Variants in CHRDL1 observed in about 807,000 individuals in gnomAD.
CHRDL1 encodes chordin-like protein 1.
In CHRDL1, 19 loss-of-function variants were observed where a neutral mutation model predicts 40.9. The observed-to-expected ratio is 0.46, with a 90% CI of 0.32 to 0.68. The LOEUF is 0.68. CHRDL1 is among the 30% of genes least tolerant of loss of function. CHRDL1 has a pLI of 0.03. For missense variants in CHRDL1, 329 were observed against 352.1 expected (o/e 0.93, Z 0.53); for synonymous variants, 136 against 123.4 (o/e 1.10, Z -0.68).
chrX:110,758,995 G>A (rs951117108), intron 4 of CHRDL1, among the ~76,000 whole-genome samples: 2 of 111,724 alleles, frequency 1.8e-5, no homozygotes, highest in African/African-American at 6.5e-5. Context: ...ACGCTTTTGG[G>A]GTGGGAATCG....
chrX:110,693,429 G>A (rs913951996), intron 8 of CHRDL1, among the ~76,000 whole-genome samples: 13 of 111,595 alleles, frequency 1.2e-4, no homozygotes. Context: ...ATAGCTCACT[G>A]TAACCCTGAA....
chrX:110,753,910 G>A (rs1166902827), intron 4 of CHRDL1, among the ~76,000 whole-genome samples: 1 of 112,484 alleles, frequency 8.9e-6, no homozygotes. Context: ...TGTAACACAA[G>A]TGGTTCATAT....
At chrX:110,742,831 G>GA (rs997410862) in intron 4 of CHRDL1, among the ~76,000 whole-genome samples, 1 of 110,854 alleles carries the variant, frequency 9.0e-6, no homozygotes, top group Non-Finnish European at 1.9e-5. Flanking sequence ...AGAGGCAGCT[G>GA]AAAAAAAATA....
chrX:110,788,579 C>T (rs967285804), intron 2 of CHRDL1, among the ~76,000 whole-genome samples: 1 of 111,999 alleles, frequency 8.9e-6, no homozygotes, highest in African/African-American at 3.2e-5. Flanking sequence ...CCTACTCTTA[C>T]CCATTTTCTG....
intron 6 of CHRDL1, among the ~76,000 whole-genome samples, chrX:110,719,554 T>G (rs756452512): frequency 6.8e-4 from 75 of 110,175 alleles, no homozygotes; most frequent in Non-Finnish European, 1.2e-3. Flanking sequence ...GGATTAAGGA[T>G]GGAGAAATAA....
At chrX:110,763,501 C>T (rs1464521745) in intron 2 of CHRDL1, among the ~76,000 whole-genome samples, 1 of 107,356 alleles carries the variant, frequency 9.3e-6, no homozygotes, top group Non-Finnish European at 1.9e-5. Context: ...TACACACACA[C>T]ATATATATAT....
chrX:110,692,553 A>G (rs1603138117), intron 8 of CHRDL1, among the ~76,000 whole-genome samples: 1 of 112,435 alleles, frequency 8.9e-6, no homozygotes, highest in East Asian at 2.8e-4. Flanking sequence ...TACACTTTTA[A>G]AAGGCTTTGA....
chrX:110,696,430 C>T (rs1347820315), intron 7 of CHRDL1, among the ~76,000 whole-genome samples: 1 of 109,669 alleles, frequency 9.1e-6, no homozygotes, highest in Non-Finnish European at 1.9e-5. Flanking sequence ...GAAACTGAGG[C>T]CAAGGAGGAG....
Position 110,746,583 on chromosome X carries a change from T to A in CHRDL1, c.301+13078A>T, listed in dbSNP as rs755809494. 2.1e-4 allele frequency among the ~76,000 whole-genome samples: 23 copies of A among 111,828 alleles called. No homozygotes were observed. The East Asian group carries it at 5.7e-3, about 28-fold the overall frequency. On this transcript the variant is annotated intron_variant, in intron 4 of 11. Transcript: ENST00000372042. ...AAATAGAAAGGCAAGGCAGAGGTGA[T>A]GCCATTAATTTAATGCCTTTTGCCT...
chrX:110,685,699 T>G (rs1376085706), intron 9 of CHRDL1, among the ~76,000 whole-genome samples: 1 of 111,590 alleles, frequency 9.0e-6, no homozygotes, highest in Non-Finnish European at 1.9e-5. Context: ...TTTTAATGGC[T>G]ATATTAATAT....
intron 4 of CHRDL1, among the ~76,000 whole-genome samples, chrX:110,747,352 T>C (rs1255750834): frequency 9.2e-6 from 1 of 108,293 alleles, no homozygotes; most frequent in African/African-American, 3.4e-5. Context: ...GGTACTGCTA[T>C]TCTTTGTGAC....
intron 8 of CHRDL1, among the ~76,000 whole-genome samples, chrX:110,691,351 T>C (rs1414778789): frequency 1.8e-5 from 2 of 109,630 alleles, no homozygotes; most frequent in African/African-American, 6.6e-5. Context: ...GGCATGGAGC[T>C]AGGCTCCAAG....
intron 2 of CHRDL1, among the ~76,000 whole-genome samples, chrX:110,782,237 T>C (rs1028853874): frequency 8.9e-6 from 1 of 112,269 alleles, no homozygotes; most frequent in Admixed American, 9.4e-5. Flanking sequence ...CTGAATTCAC[T>C]AAATTCTTAC....
intron 1 of CHRDL1, among the ~76,000 whole-genome samples, chrX:110,795,160 C>G (rs757709052): frequency 3.6e-5 from 4 of 111,810 alleles, no homozygotes; most frequent in Non-Finnish European, 7.5e-5. Flanking sequence ...CCAGAGAACT[C>G]AAATAACTTT....
At chrX:110,689,616 ATATATC>A (rs1388361317) in intron 8 of CHRDL1, among the ~76,000 whole-genome samples, 1 of 32,046 alleles carries the variant, frequency 3.1e-5, no homozygotes, top group East Asian at 4.4e-4. Context: ...CTATATATCT[ATATATC>A]TATATATCTA....
intron 2 of CHRDL1, among the ~76,000 whole-genome samples, chrX:110,775,275 T>C (rs1345750023): frequency 9.0e-6 from 1 of 111,435 alleles, no homozygotes; most frequent in Non-Finnish European, 1.9e-5. Context: ...CAGTGTATCT[T>C]GAAATAAATG....
At chrX:110,733,879 CAGCCTG>C (rs2071213722) in intron 4 of CHRDL1, among the ~76,000 whole-genome samples, 1 of 95,047 alleles carries the variant, frequency 1.1e-5, no homozygotes, top group Non-Finnish European at 2.0e-5. Flanking sequence ...CTGCAGTGCA[CAGCCTG>C]TGCTGTAGAT....
chrX:110,676,936 T>G (rs1208887859), intron 11 of CHRDL1, among the ~76,000 whole-genome samples: 1 of 111,177 alleles, frequency 9.0e-6, no homozygotes, highest in African/African-American at 3.3e-5. Context: ...CTTAGCACCC[T>G]AAATCCCTTC....
intron 3 of CHRDL1, 81 bp downstream of exon 3, chrX:110,762,614 G>T (rs2089586266): frequency 1.8e-6 from 1 of 564,019 alleles, no homozygotes; most frequent in African/African-American, 2.3e-5. Context: ...ATCATCCATG[G>T]TCCCTGGCCA....
Sources: allele counts gnomAD v4.1 joint callset (sites outside exome capture counted in the v4.1 genomes callset), GRCh38; gene constraint gnomAD v4.1.1; transcripts MANE v1.5; gene names NCBI Gene and HGNC (gene_info 2026-07-23, HGNC 2026-07-21).